The following NFX1 variants were observed in gnomAD, a reference collection of about 807,000 sequenced individuals.
NFX1 encodes the protein nuclear transcription factor, X-box binding 1.
NFX1 carries 69 observed loss-of-function variants against 137.2 expected under a neutral mutation model. That is an observed-to-expected ratio of 0.50 (90% CI 0.41 to 0.61). NFX1 has a LOEUF of 0.61. NFX1 is among the 20% of genes least tolerant of loss of function. The pLI, the probability that NFX1 is intolerant of heterozygous loss-of-function variation, is 0.00. For missense variants in NFX1, 1,167 were observed against 1,391.0 expected (o/e 0.84, Z 2.56); for synonymous variants, 495 against 474.1 (o/e 1.04, Z -0.57).
intron 14 of NFX1, among the ~76,000 whole-genome samples, chr9:33,346,749 A>T (rs1443564528): frequency 6.6e-6 from 1 of 152,188 alleles, no homozygotes; most frequent in Non-Finnish European, 1.5e-5. Context: ...GTAGAATTGG[A>T]TGGACCATAT....
Position 33,311,109 on chromosome 9 carries a change from C to T in NFX1, c.1380C>T (p.Leu460=). The part of the protein sequence containing the change: ...GQDCPHSCNL[L]CHPGPCPPCP... Reference sequence around the variant, plus strand: ...CAGTGAAACCTTTCTCTTTCAGTCTCTGCCATCCAGGACCCTGCCCACCCT... The same window carrying T: ...CAGTGAAACCTTTCTCTTTCAGTCTTTGCCATCCAGGACCCTGCCCACCCT... The change falls in exon 6 of 24, where the codon CTC becomes CTT. Residue 460 remains leucine, a synonymous_variant. Coordinates refer to ENST00000379540, the MANE Select transcript of NFX1 (RefSeq NM_002504.6). 6.2e-7 allele frequency: 1 copy of T among 1,614,152 alleles called. No individual in the cohort carries two copies. The highest frequency in any genetic ancestry group is 8.5e-7 in the Non-Finnish European group (1 of 1,179,996).
At chr9:33,315,509 A>G (rs1822127321) in intron 7 of NFX1, among the ~76,000 whole-genome samples, 1 of 152,068 alleles carries the variant, frequency 6.6e-6, no homozygotes, top group Non-Finnish European at 1.5e-5. Context: ...CAGCTGTCAT[A>G]TATTCTTTCC....
chr9:33,335,252 C>T (rs900479688), intron 11 of NFX1, among the ~76,000 whole-genome samples: 33 of 113,102 alleles, frequency 2.9e-4, no homozygotes, highest in Non-Finnish European at 3.2e-4. Flanking sequence ...TTTTTTGAGA[C>T]GGAGTTTTGC....
At position 33,294,758 on chromosome 9, in the gene NFX1, C is replaced by T; in HGVS notation, c.364C>T (p.Gln122Ter). The change falls in exon 2 of 24, where the codon CAG (glutamine) becomes TAG (stop). Residue 122 changes from glutamine (Q) to a stop codon, truncating the protein, a stop_gained. Transcript: ENST00000379540. LOFTEE classifies it high-confidence loss of function. ...GCACCATATCAGAGTCAAGAAAGCA[C>T]AGAGTCTTGCTGAGCAGACCTCAGA... ...EKHHIRVKKA[Q>*]SLAEQTSDTA... 6.2e-7 allele frequency: 1 copy of T among 1,614,076 alleles called. No homozygotes were observed. The highest frequency in any genetic ancestry group is 8.5e-7 in the Non-Finnish European group (1 of 1,180,032).
At chr9:33,361,513 C>G (rs1363790703) in intron 19 of NFX1, among the ~76,000 whole-genome samples, 1 of 152,018 alleles carries the variant, frequency 6.6e-6, no homozygotes, top group African/African-American at 2.4e-5. Context: ...TGGCTCACAC[C>G]CGTAATCCCA....
intron 15 of NFX1, among the ~76,000 whole-genome samples, chr9:33,350,080 G>T (rs953383145): frequency 6.6e-6 from 1 of 152,076 alleles, no homozygotes; most frequent in Non-Finnish European, 1.5e-5. Context: ...GAGGCAAGTG[G>T]ATCACCTGAG....
intron 9 of NFX1, among the ~76,000 whole-genome samples, chr9:33,324,312 G>A (rs2118433497): frequency 6.6e-6 from 1 of 152,278 alleles, no homozygotes; most frequent in East Asian, 1.9e-4. Context: ...CCAGTAGGCG[G>A]AGGTTGCAGT....
intron 7 of NFX1, among the ~76,000 whole-genome samples, chr9:33,314,354 T>C (rs1822075190): frequency 6.6e-6 from 1 of 152,010 alleles, no homozygotes. Flanking sequence ...CAGATTATTA[T>C]GGACCTAGAA....
chr9:33,362,322 G>T (rs1014721451), intron 19 of NFX1, among the ~76,000 whole-genome samples: 1 of 152,078 alleles, frequency 6.6e-6, no homozygotes, highest in Non-Finnish European at 1.5e-5. Context: ...TCTCATATTT[G>T]TTGCAGCACT....
chr9:33,364,834 A>G, intron 21 of NFX1, 60 bp downstream of exon 21: 3 of 1,589,236 alleles, frequency 1.9e-6, no homozygotes, highest in South Asian at 2.3e-5. Flanking sequence ...AAAAAAAAAA[A>G]GCAATCAAGT....
rs1371333340 is a variant in NFX1 at position 33,294,999 on chromosome 9, A to T, written c.605A>T (p.Asp202Val). ...WSNRTTPKPE[D>V]AGPESTKPVG... ...AACCGAACAACTCCAAAACCGGAGG[A>T]TGCTGGACCCGAAAGTACCAAACCT... Residue 202 changes from aspartate to valine, a missense_variant, in exon 2 of 24, where the codon GAT (aspartate) becomes GTT (valine). Asp to Val is a radical substitution (Grantham distance 152, BLOSUM62 -3). Coordinates refer to ENST00000379540, the MANE Select transcript of NFX1 (RefSeq NM_002504.6). The T allele has an allele frequency of 1.2e-6, 2 of 1,614,212 alleles. No individual in the cohort carries two copies. Among genetic ancestry groups the T allele is most frequent in the Non-Finnish European group, 1.7e-6 (2 of 1,180,052 alleles).
In NFX1 at chr9:33,364,437, C is replaced by T. The variant is rs141206499; in HGVS notation, c.2973-271C>T. 2.5e-4 allele frequency among the ~76,000 whole-genome samples: 38 copies of T among 152,306 alleles called. No individual in the cohort carries two copies. The East Asian group carries it at 6.9e-3, about 28-fold the overall frequency. ...TCTGTCCACCCCAGTCTCACATTCA[C>T]ATGCGTTCTCAGTTGGAGCTATAAC... On this transcript the variant is annotated intron_variant, in intron 20 of 23. Transcript: ENST00000379540.
intron 11 of NFX1, among the ~76,000 whole-genome samples, chr9:33,333,611 C>T (rs1822891937): frequency 6.6e-6 from 1 of 152,132 alleles, no homozygotes; most frequent in Non-Finnish European, 1.5e-5. Flanking sequence ...AATTCTTCTG[C>T]CTAAACCTGT....
intron 11 of NFX1, among the ~76,000 whole-genome samples, chr9:33,335,640 A>G (rs887560630): frequency 2.6e-5 from 4 of 152,178 alleles, no homozygotes; most frequent in South Asian, 2.1e-4. Context: ...TGGCCTCCCA[A>G]AGTGCTGGGG....
chr9:33,329,641 TTTC>T (rs1194593696), intron 10 of NFX1, among the ~76,000 whole-genome samples: 1 of 50,300 alleles, frequency 2.0e-5, no homozygotes, highest in African/African-American at 7.0e-5. Context: ...GGTTTTTATT[TTTC>T]TTTTTTTTTT....
At chr9:33,321,878 C>CA (rs1349632802) in intron 9 of NFX1, among the ~76,000 whole-genome samples, 10,130 of 106,196 alleles carry the variant, frequency 0.095, 409 homozygotes, top group East Asian at 0.13. Context: ...GACCCTGTCT[C>CA]AAAAAAAAAA....
rs757253017 is a variant in NFX1 at position 33,290,563 on chromosome 9, G to A, written c.-10G>A. The A allele has an allele frequency of 6.2e-7, 1 of 1,613,940 alleles. No individual in the cohort carries two copies. Among genetic ancestry groups the A allele is most frequent in the African/African-American group, 1.3e-5 (1 of 74,944 alleles). ...GGCTGTACAGCTCGATCTAGGTTCT[G>A]CGGCACGGGATGGCGGAGGCGCCTC... On this transcript the variant is annotated 5_prime_UTR_variant, in exon 1 of 24. Transcript: ENST00000379540.
chr9:33,365,930 C>T (rs929884665), intron 21 of NFX1: 7 of 152,204 alleles, frequency 4.6e-5, no homozygotes, highest in African/African-American at 1.7e-4. Flanking sequence ...ACGGAGGTAG[C>T]TTTAAGTGGA....
At chr9:33,352,157 A>G (rs192699649) in intron 16 of NFX1, among the ~76,000 whole-genome samples, 37 of 152,344 alleles carry the variant, frequency 2.4e-4, no homozygotes, top group Admixed American at 1.9e-3. Flanking sequence ...GTTCCTCACA[A>G]TCTGATAGGA....
Sources: gnomAD v4.1 joint callset for allele counts (sites outside exome capture counted in the v4.1 genomes callset) on GRCh38, gnomAD v4.1.1 for gene constraint, MANE v1.5 for transcripts, NCBI Gene and HGNC (gene_info 2026-07-23, HGNC 2026-07-21) for gene names.